CNTN3: variants seen among roughly 807,000 people sequenced by gnomAD.
CNTN3 encodes the protein contactin 3.
Under a neutral mutation model 119.1 loss-of-function variants are expected in CNTN3, and 60 were observed. The observed-to-expected ratio is 0.50, with a 90% CI of 0.41 to 0.62. The LOEUF is 0.62. CNTN3 is among the 20% of genes least tolerant of loss of function. The pLI is 0.00. For synonymous variants in CNTN3, 450 were observed against 438.7 expected, an observed-to-expected ratio of 1.03 and a Z score of -0.32; for missense variants, 1,101 against 1,242.4, an observed-to-expected ratio of 0.89 and a Z score of 1.71.
At chr3:74,420,404 C>G (rs1044571003) in intron 5 of CNTN3, among the ~76,000 whole-genome samples, 1 of 152,182 alleles carries the variant, frequency 6.6e-6, no homozygotes, top group African/African-American at 2.4e-5. Flanking sequence ...TTTTCCACAT[C>G]TATCTTCCCA....
chr3:74,591,366 GT>G (rs1380617543), intron 1 of CNTN3, among the ~76,000 whole-genome samples: 1 of 151,970 alleles, frequency 6.6e-6, no homozygotes, highest in Admixed American at 6.6e-5. Context: ...CAGGTTGGCA[GT>G]TTTTTTCTTG....
intron 7 of CNTN3, 46 bp downstream of exon 7, chr3:74,369,843 G>A (rs2106789088): frequency 1.0e-6 from 1 of 993,468 alleles, no homozygotes; most frequent in Non-Finnish European, 1.6e-6. Context: ...ATTTCTTATA[G>A]CAACCTAATA....
chr3:74,596,358 A>G (rs1229683039), intron 1 of CNTN3, among the ~76,000 whole-genome samples: 1 of 152,150 alleles, frequency 6.6e-6, no homozygotes, highest in Non-Finnish European at 1.5e-5. Flanking sequence ...TGTGGAACCA[A>G]AAAAGAGCCC....
intron 11 of CNTN3, among the ~76,000 whole-genome samples, chr3:74,338,047 C>T (rs927683790): frequency 3.9e-5 from 6 of 152,054 alleles, no homozygotes; most frequent in South Asian, 2.1e-4. Flanking sequence ...AATTACTATC[C>T]ACATAATGCA....
chr3:74,501,373 T>C (rs1703164166), intron 2 of CNTN3, among the ~76,000 whole-genome samples: 1 of 152,020 alleles, frequency 6.6e-6, no homozygotes, highest in African/African-American at 2.4e-5. Context: ...TCATACTCCT[T>C]GAGTATTGTC....
At chr3:74,465,598 G>A (rs1435396042) in intron 4 of CNTN3, among the ~76,000 whole-genome samples, 3 of 152,094 alleles carry the variant, frequency 2.0e-5, no homozygotes, top group African/African-American at 7.2e-5. Context: ...AGAAGTCATT[G>A]TACACACAAA....
chr3:74,432,876 C>A (rs1407264682), intron 4 of CNTN3, among the ~76,000 whole-genome samples: 1 of 152,168 alleles, frequency 6.6e-6, no homozygotes, highest in Non-Finnish European at 1.5e-5. Context: ...GGAAAACTCT[C>A]CCATGGCAAA....
At chr3:74,289,148 T>C (rs757365208) in intron 19 of CNTN3, among the ~76,000 whole-genome samples, 1 of 152,212 alleles carries the variant, frequency 6.6e-6, no homozygotes, top group Non-Finnish European at 1.5e-5. Flanking sequence ...CAACCAAGGT[T>C]AATTTTTAAA....
chr3:74,377,951 T>G (rs1704520740), intron 5 of CNTN3, among the ~76,000 whole-genome samples: 1 of 152,210 alleles, frequency 6.6e-6, no homozygotes, highest in South Asian at 2.1e-4. Flanking sequence ...TGAAGGAGAT[T>G]TAATCCTTCT....
chr3:74,463,917 T>C (rs1045719170), intron 4 of CNTN3, among the ~76,000 whole-genome samples: 4 of 152,158 alleles, frequency 2.6e-5, no homozygotes, highest in Admixed American at 2.0e-4. Flanking sequence ...CAAGAGCATA[T>C]GTATCTGTTT....
Position 74,366,780 on chromosome 3 carries a change from G to GTA in CNTN3, c.947-1080_947-1079dup, listed in dbSNP as rs59223804. On this transcript the variant is annotated intron_variant, in intron 8 of 22. Coordinates refer to ENST00000263665, the MANE Select transcript of CNTN3 (RefSeq NM_020872.3). ...TGTGCGTGTGTGTGTGTGTGTGTGT[G>GTA]TATATATATATATATATATATATAT... 9.0e-3 allele frequency among the ~76,000 whole-genome samples: 574 copies of GTA among 63,710 alleles called. 14 individuals carry two copies. The highest frequency in any genetic ancestry group is 0.037 in the African/African-American group (432 of 11,770). The allele number at this position is 63,710 out of a possible 152,430, so 41.8% of individuals were successfully genotyped here.
Position 74,537,945 on chromosome 3 carries a change from C to T in CNTN3, c.-80-16753G>A, listed in dbSNP as rs116175240. Among the ~76,000 whole-genome samples, 548 of 152,174 alleles carry T rather than the reference C, an allele frequency of 3.6e-3. 6 individuals are homozygous for T. Among genetic ancestry groups the T allele is most frequent in the African/African-American group, 0.013 (531 of 41,536 alleles). On this transcript the variant is annotated intron_variant, in intron 1 of 22. Transcript: ENST00000263665. ...AGAAGGGCAGCCCGAGGGGAAGGGA[C>T]GGTGGACAGAGACAACCTAGATAGA...
At chr3:74,387,987 A>T (rs1459793450) in intron 5 of CNTN3, among the ~76,000 whole-genome samples, 1 of 152,206 alleles carries the variant, frequency 6.6e-6, no homozygotes, top group Non-Finnish European at 1.5e-5. Context: ...TAGTTGATAA[A>T]TTTGCATCCT....
chr3:74,423,567 T>C (rs1701650140), intron 5 of CNTN3, among the ~76,000 whole-genome samples: 1 of 152,210 alleles, frequency 6.6e-6, no homozygotes, highest in Non-Finnish European at 1.5e-5. Context: ...CTCACAGTGC[T>C]ACCAGAAGCC....
At chr3:74,403,990 C>T (rs918068770) in intron 5 of CNTN3, among the ~76,000 whole-genome samples, 92 of 152,092 alleles carry the variant, frequency 6.0e-4, no homozygotes, top group African/African-American at 2.2e-3. Flanking sequence ...ACTCGTAATA[C>T]TTTCATCTAT....
intron 11 of CNTN3, among the ~76,000 whole-genome samples, chr3:74,340,501 C>T (rs1412417158): frequency 1.3e-5 from 2 of 152,018 alleles, no homozygotes; most frequent in East Asian, 1.9e-4. Context: ...CATCTGATCG[C>T]TAATCCCATC....
chr3:74,572,864 G>A (rs2106653500), intron 1 of CNTN3, among the ~76,000 whole-genome samples: 1 of 152,314 alleles, frequency 6.6e-6, no homozygotes, highest in Non-Finnish European at 1.5e-5. Context: ...CTGTATTGAA[G>A]GATGCACGTT....
In CNTN3 at chr3:74,298,297, A is replaced by G. The variant is rs566410325; in HGVS notation, c.2167-106T>C. ...TATTTGTAAAAGTCATCAAATAATC[A>G]TCTACATTGTATTAAGCAGTTGCAT... On this transcript the variant is annotated intron_variant, in intron 17 of 22. Transcript: ENST00000263665. 1.2e-3 allele frequency: 815 copies of G among 668,378 alleles called. 18 individuals carry two copies. The South Asian group carries it at 0.019, about 16-fold the overall frequency. The allele number at this position is 668,378 out of a possible 1,614,324, so 41.4% of individuals were successfully genotyped here.
intron 1 of CNTN3, among the ~76,000 whole-genome samples, chr3:74,559,248 C>T (rs1704116719): frequency 6.6e-6 from 1 of 152,072 alleles, no homozygotes. Flanking sequence ...GATGAAAAGT[C>T]GCTAAGCTAT....
Sources: gnomAD v4.1 joint callset for allele counts (sites outside exome capture counted in the v4.1 genomes callset) on GRCh38, gnomAD v4.1.1 for gene constraint, MANE v1.5 for transcripts, NCBI Gene and HGNC (gene_info 2026-07-23, HGNC 2026-07-21) for gene names.